The following RNF170 variants were observed in gnomAD, a reference collection of about 807,000 sequenced individuals.
The protein encoded by RNF170 is ring finger protein 170.
Under a neutral mutation model 32.7 loss-of-function variants are expected in RNF170, and 12 were observed. That is an observed-to-expected ratio of 0.37 (90% CI 0.24 to 0.60). The LOEUF is 0.60. RNF170 is among the 20% of genes least tolerant of loss of function. The probability of loss-of-function intolerance (pLI) is 0.72; values close to 1 mark genes in which losing one functional copy is unlikely to be tolerated. For missense variants in RNF170, 212 were observed against 311.2 expected, an observed-to-expected ratio of 0.68 and a Z score of 2.40; for synonymous variants, 91 against 103.6, an observed-to-expected ratio of 0.88 and a Z score of 0.74.
intron 2 of RNF170, among the ~76,000 whole-genome samples, chr8:42,879,290 C>T (rs968164011): frequency 2.6e-5 from 4 of 152,142 alleles, no homozygotes; most frequent in Non-Finnish European, 5.9e-5. Flanking sequence ...ATAGTGATTC[C>T]TCTGATGGAT....
chr8:42,886,452 C>T (rs563685398), intron 2 of RNF170, among the ~76,000 whole-genome samples: 2 of 152,178 alleles, frequency 1.3e-5, no homozygotes, highest in East Asian at 1.9e-4. Context: ...ATAAAATACC[C>T]GATTGAAATC....
chr8:42,861,440 A>G, intron 6 of RNF170: 1 of 309,986 alleles, frequency 3.2e-6, no homozygotes, highest in Non-Finnish European at 6.2e-6. Flanking sequence ...TCCTGGGCTC[A>G]GGTGATCCTC....
intron 6 of RNF170, among the ~76,000 whole-genome samples, chr8:42,857,517 T>TA (rs1253750599): frequency 1.3e-5 from 2 of 152,230 alleles, no homozygotes; most frequent in African/African-American, 4.8e-5. Flanking sequence ...TCATCATTTA[T>TA]ACAAAATCTT....
At chr8:42,890,143 T>G (rs1349713620) in intron 1 of RNF170, among the ~76,000 whole-genome samples, 2 of 151,970 alleles carry the variant, frequency 1.3e-5, no homozygotes, top group African/African-American at 4.8e-5. Context: ...AAAAATGCAT[T>G]GCATTTGTTT....
intron 1 of RNF170, 139 bp from the exon 2 acceptor site, chr8:42,888,010 G>A (rs1563274526): frequency 9.6e-6 from 7 of 727,838 alleles, no homozygotes; most frequent in Non-Finnish European, 1.4e-5. Flanking sequence ...CTCCAGTGGG[G>A]ACTGATGGAG....
At chr8:42,867,842 G>C (rs1289630984) in intron 4 of RNF170, among the ~76,000 whole-genome samples, 2 of 145,334 alleles carry the variant, frequency 1.4e-5, no homozygotes, top group African/African-American at 5.1e-5. Flanking sequence ...GTATGCATTA[G>C]AAACTAACTT....
chr8:42,863,144 T>C (rs937908538), intron 5 of RNF170, among the ~76,000 whole-genome samples: 61 of 152,194 alleles, frequency 4.0e-4, no homozygotes, highest in African/African-American at 1.5e-3. Flanking sequence ...AAACAGGAGG[T>C]AGAACAAGCA....
intron 6 of RNF170, chr8:42,861,363 G>A (rs1156611946): frequency 1.2e-5 from 2 of 160,250 alleles, no homozygotes; most frequent in African/African-American, 4.8e-5. Flanking sequence ...TGTTTTTTGA[G>A]GAAGGGTCTC....
At chr8:42,886,549 C>G (rs1805844298) in intron 2 of RNF170, among the ~76,000 whole-genome samples, 1 of 152,138 alleles carries the variant, frequency 6.6e-6, no homozygotes, top group African/African-American at 2.4e-5. Context: ...CCTCAGCCGC[C>G]CAAGTAGCTG....
At chr8:42,879,321 T>G (rs1326231145) in intron 2 of RNF170, among the ~76,000 whole-genome samples, 1 of 152,198 alleles carries the variant, frequency 6.6e-6, no homozygotes, top group Non-Finnish European at 1.5e-5. Context: ...AATTGAAACC[T>G]TCTGGAAAGG....
chr8:42,889,816 C>A (rs901635579), intron 1 of RNF170, among the ~76,000 whole-genome samples: 2 of 152,122 alleles, frequency 1.3e-5, no homozygotes, highest in African/African-American at 4.8e-5. Flanking sequence ...CTCAAATAAG[C>A]TAGGGGTGGG....
chr8:42,855,451 T>C lies in RNF170; in HGVS notation c.*708A>G, dbSNP rs765184577. 60 of 862,242 alleles carry C rather than the reference T, an allele frequency of 7.0e-5. No individual in the cohort carries two copies. The highest frequency in any genetic ancestry group is 9.3e-5 in the Non-Finnish European group (56 of 603,054). 53.4% of individuals were successfully genotyped at this position (862,242 alleles called of 1,614,324 possible). On this transcript the variant is annotated 3_prime_UTR_variant, in exon 7 of 7. Coordinates refer to ENST00000527424, the MANE Select transcript of RNF170 (RefSeq NM_030954.4). ...TGGTCCTGATCTCCTGACCTTGTGA[T>C]CTACCCGCCTCAGCCTCCCAAAGTG...
downstream of RNF170, chr8:42,850,692 TCA>T (rs1802918002): frequency 1.4e-6 from 2 of 1,422,938 alleles, no homozygotes; most frequent in Non-Finnish European, 1.9e-6. Flanking sequence ...TCTGAATGCC[TCA>T]GAGTGCCCTG....
intron 2 of RNF170, among the ~76,000 whole-genome samples, chr8:42,879,968 C>T (rs1805252698): frequency 6.6e-6 from 1 of 152,166 alleles, no homozygotes; most frequent in Non-Finnish European, 1.5e-5. Flanking sequence ...AGCCACCATG[C>T]CCCACCAAAA....
Position 42,853,804 on chromosome 8 carries a change from C to G in RNF170, c.*2355G>C, listed in dbSNP as rs191030141. ...AAAGTTCTGAGATGTTAGCACATACCCTTTTCACAATTTAGGAAGCTTTAA... is the reference window on the plus strand; with the variant it reads ...AAAGTTCTGAGATGTTAGCACATACGCTTTTCACAATTTAGGAAGCTTTAA... On this transcript the variant is annotated 3_prime_UTR_variant, in exon 7 of 7. Transcript: ENST00000527424. 3 of 1,287,046 alleles carry G rather than the reference C, an allele frequency of 2.3e-6. No individual in the cohort carries two copies. Among genetic ancestry groups the G allele is most frequent in the Non-Finnish European group, 2.0e-6 (2 of 988,666 alleles). 79.7% of individuals were successfully genotyped at this position (1,287,046 alleles called of 1,614,324 possible). A position where few individuals can be genotyped will look rare whatever the true frequency, so the allele number is the denominator to read the frequency against.
chr8:42,860,885 T>G (rs1244317659), intron 6 of RNF170, among the ~76,000 whole-genome samples: 1 of 152,028 alleles, frequency 6.6e-6, no homozygotes, highest in Non-Finnish European at 1.5e-5. Context: ...ACTCAGCTAA[T>G]TTTTGTATTT....
intron 5 of RNF170, among the ~76,000 whole-genome samples, chr8:42,864,328 C>A (rs1803926361): frequency 6.6e-6 from 1 of 151,946 alleles, no homozygotes; most frequent in Non-Finnish European, 1.5e-5. Flanking sequence ...ATCGAACTCC[C>A]AGCTTCAAGT....
chr8:42,863,066 G>A (rs1398026901), intron 5 of RNF170, among the ~76,000 whole-genome samples: 1 of 152,214 alleles, frequency 6.6e-6, no homozygotes, highest in Non-Finnish European at 1.5e-5. Flanking sequence ...AGTGGTGAAT[G>A]TGTTCCAGTC....
intron 1 of RNF170, among the ~76,000 whole-genome samples, chr8:42,891,118 A>T (rs1806265155): frequency 6.6e-6 from 1 of 152,172 alleles, no homozygotes; most frequent in African/African-American, 2.4e-5. Flanking sequence ...TACAGGCTCT[A>T]AACTGAAGCC....
Sources: gnomAD v4.1 joint callset for allele counts (sites outside exome capture counted in the v4.1 genomes callset) on GRCh38, gnomAD v4.1.1 for gene constraint, MANE v1.5 for transcripts, NCBI Gene and HGNC (gene_info 2026-07-23, HGNC 2026-07-21) for gene names.